The following ZNF674 variants were observed in gnomAD, a reference collection of about 807,000 sequenced individuals.
ZNF674 encodes zinc finger family member 674.
A neutral mutation model predicts 7.0 loss-of-function variants in ZNF674; 2 were observed. The ratio of observed to expected loss-of-function variants is 0.29; its 90% CI spans 0.12 to 0.90. The LOEUF (loss-of-function observed/expected upper bound fraction) is 0.90, where lower values mean the gene tolerates loss of function less well. Among genes scored for constraint, ZNF674 ranks in the 40% least tolerant of loss-of-function variants. The pLI is 0.57. For missense variants in ZNF674, 297 were observed against 415.5 expected, an observed-to-expected ratio of 0.71 and a Z score of 2.48; for synonymous variants, 103 against 145.2, an observed-to-expected ratio of 0.71 and a Z score of 2.09.
intron 5 of ZNF674, among the ~76,000 whole-genome samples, chrX:46,524,091 A>C (rs1941965306): frequency 9.0e-6 from 1 of 111,027 alleles, no homozygotes; most frequent in African/African-American, 3.3e-5. Flanking sequence ...CTCCAAGAAA[A>C]CTCTAGGCCC....
rs1409005668 is a variant in ZNF674 at position 46,497,972 on chromosome X, C to T, written c.*1871G>A. 2.7e-5 allele frequency: 3 copies of T among 111,089 alleles called. No homozygotes were observed. Among genetic ancestry groups the T allele is most frequent in the Non-Finnish European group, 5.7e-5 (3 of 52,955 alleles). The allele number at this position is 111,089 out of a possible 1,213,427, so 9.2% of individuals were successfully genotyped here. ...ATACTTAAATAAATACAAATTTATA[C>T]TTATATGTGCATATAACTTTACTCA... On this transcript the variant is annotated 3_prime_UTR_variant, in exon 6 of 6. Coordinates refer to ENST00000683375, the MANE Select transcript of ZNF674 (RefSeq NM_001190417.2).
At chrX:46,539,143 C>T (rs1430263896) in intron 3 of ZNF674, among the ~76,000 whole-genome samples, 1 of 112,080 alleles carries the variant, frequency 8.9e-6, no homozygotes, top group Non-Finnish European at 1.9e-5. Context: ...TGTGATCGTG[C>T]CACCATACTG....
intron 3 of ZNF674, among the ~76,000 whole-genome samples, chrX:46,541,773 C>T (rs995922036): frequency 2.7e-5 from 3 of 111,247 alleles, no homozygotes; most frequent in South Asian, 3.7e-4. Context: ...AAAGACCAAG[C>T]GATCTAGAAG....
chrX:46,503,017 T>G (rs1269387665), intron 5 of ZNF674, among the ~76,000 whole-genome samples: 1 of 112,303 alleles, frequency 8.9e-6, no homozygotes, highest in African/African-American at 3.2e-5. Flanking sequence ...AAGAAAGGCA[T>G]GTATCCTACC....
intron 3 of ZNF674, among the ~76,000 whole-genome samples, chrX:46,533,810 T>TC (rs1942151790): frequency 4.5e-5 from 1 of 22,013 alleles, no homozygotes; most frequent in Non-Finnish European, 6.5e-5. Flanking sequence ...AGACCCTGTC[T>TC]CAAAAAAAAA....
At chrX:46,505,286 T>C (rs1334317253) in intron 5 of ZNF674, among the ~76,000 whole-genome samples, 1 of 112,180 alleles carries the variant, frequency 8.9e-6, no homozygotes, top group African/African-American at 3.2e-5. Context: ...TTTCTGTACT[T>C]TTTTGCAGTT....
intron 5 of ZNF674, among the ~76,000 whole-genome samples, chrX:46,521,088 G>C (rs1018928472): frequency 1.8e-5 from 2 of 109,512 alleles, no homozygotes; most frequent in African/African-American, 6.6e-5. Context: ...TTGGGAGACT[G>C]AGGCGGAAGA....
intron 3 of ZNF674, among the ~76,000 whole-genome samples, chrX:46,541,291 GC>G (rs1942291247): frequency 9.4e-6 from 1 of 106,852 alleles, no homozygotes; most frequent in Admixed American, 1.0e-4. Context: ...AACCTGGAAG[GC>G]GGAGGTTGCA....
rs200552019 is a variant in ZNF674 at position 46,500,294 on chromosome X, T to C, written c.1280A>G (p.His427Arg). The change falls in exon 6 of 6, where the codon CAT becomes CGT. Residue 427 changes from histidine to arginine, a missense_variant. Coordinates refer to ENST00000683375, the MANE Select transcript of ZNF674 (RefSeq NM_001190417.2). Reference sequence around the variant, plus strand: ...AGGTTTCTCTCCTGTATGAGTTCTATGATGGACAGAGAGGTGTGACTTTCC... The same window carrying C: ...AGGTTTCTCTCCTGTATGAGTTCTACGATGGACAGAGAGGTGTGACTTTCC... Reference protein sequence around the residue: ...FSGKSHLSVHHRTHTGEKPYE... With the variant: ...FSGKSHLSVHRRTHTGEKPYE... The C allele has an allele frequency of 6.7e-4, 808 of 1,209,606 alleles. 7 individuals carry two copies. In the African/African-American group the frequency reaches 0.013, roughly 19 times the overall value.
At chrX:46,506,428 A>AAC (rs1317503575) in intron 5 of ZNF674, among the ~76,000 whole-genome samples, 1 of 110,727 alleles carries the variant, frequency 9.0e-6, no homozygotes, top group Non-Finnish European at 1.9e-5. Flanking sequence ...AAAAAAAAAA[A>AAC]AAACTATCCC....
chrX:46,521,413 C>CA (rs1278529237), intron 5 of ZNF674, among the ~76,000 whole-genome samples: 3 of 108,785 alleles, frequency 2.8e-5, no homozygotes, highest in African/African-American at 6.7e-5. Context: ...CCCATCTCTA[C>CA]AAAAAAATAC....
At chrX:46,521,797 G>A (rs1941918726) in intron 5 of ZNF674, among the ~76,000 whole-genome samples, 1 of 108,811 alleles carries the variant, frequency 9.2e-6, no homozygotes, top group African/African-American at 3.4e-5. Context: ...GCTGAGGCAG[G>A]AGAATTGCTT....
chrX:46,545,278 G>GCCCCATGA (rs1942358680), intron 1 of ZNF674, 93 bp downstream of exon 1: 1 of 110,974 alleles, frequency 9.0e-6, no homozygotes, highest in African/African-American at 3.3e-5. Context: ...CTCACCCGTG[G>GCCCCATGA]CCCCATGACC....
At chrX:46,507,244 C>T (rs928897032) in intron 5 of ZNF674, among the ~76,000 whole-genome samples, 3 of 110,904 alleles carry the variant, frequency 2.7e-5, no homozygotes, top group Admixed American at 1.9e-4. Context: ...CCCAGCTACT[C>T]GGGAGCCTGA....
At chrX:46,520,364 A>C (rs1208270874) in intron 5 of ZNF674, among the ~76,000 whole-genome samples, 1 of 111,135 alleles carries the variant, frequency 9.0e-6, no homozygotes, top group Non-Finnish European at 1.9e-5. Context: ...GCACCATTGC[A>C]CTCCAGCCTG....
At chrX:46,536,043 T>C (rs1942192365) in intron 3 of ZNF674, among the ~76,000 whole-genome samples, 1 of 112,577 alleles carries the variant, frequency 8.9e-6, no homozygotes, top group African/African-American at 3.2e-5. Flanking sequence ...GTTATACCTA[T>C]TAAAGGTATT....
intron 5 of ZNF674, among the ~76,000 whole-genome samples, chrX:46,503,744 T>C (rs1356685375): frequency 8.9e-6 from 1 of 112,109 alleles, no homozygotes; most frequent in Non-Finnish European, 1.9e-5. Context: ...TAAAGCAATT[T>C]TCACTTACAA....
chrX:46,523,606 G>A (rs1265659443), intron 5 of ZNF674: 1 of 111,383 alleles, frequency 9.0e-6, no homozygotes, highest in East Asian at 2.8e-4. Context: ...TGGGATTACA[G>A]GCGTGAGCCA....
intron 3 of ZNF674, among the ~76,000 whole-genome samples, chrX:46,531,671 G>A (rs1281361967): frequency 9.0e-6 from 1 of 110,620 alleles, no homozygotes; most frequent in Non-Finnish European, 1.9e-5. Context: ...CAGTAAAACA[G>A]CCATCATTCC....
Sources: gnomAD v4.1 joint callset for allele counts (sites outside exome capture counted in the v4.1 genomes callset) on GRCh38, gnomAD v4.1.1 for gene constraint, MANE v1.5 for transcripts, NCBI Gene and HGNC (gene_info 2026-07-23, HGNC 2026-07-21) for gene names.